Variants in SEMA3E observed in about 807,000 individuals in gnomAD.
The protein encoded by SEMA3E is semaphorin 3E.
In SEMA3E, 49 loss-of-function variants were observed where a neutral mutation model predicts 93.6. The ratio of observed to expected loss-of-function variants is 0.52; its 90% confidence interval spans 0.42 to 0.66. The LOEUF is 0.66. Among genes scored for constraint, SEMA3E ranks in the 30% least tolerant of loss-of-function variants. The pLI is 0.00. For synonymous variants in SEMA3E, 363 were observed against 330.7 expected (o/e 1.10, Z -1.06); for missense variants, 906 against 964.8 (o/e 0.94, Z 0.81).
intron 1 of SEMA3E, among the ~76,000 whole-genome samples, chr7:83,580,094 C>T (rs996450473): frequency 6.6e-5 from 10 of 151,986 alleles, no homozygotes; most frequent in Non-Finnish European, 1.3e-4. Context: ...AAAACATGTA[C>T]ACCGACAACT....
At chr7:83,573,948 AAATATT>A (rs1792346941) in intron 1 of SEMA3E, among the ~76,000 whole-genome samples, 1 of 152,160 alleles carries the variant, frequency 6.6e-6, no homozygotes, top group African/African-American at 2.4e-5. Context: ...TCATTTATAA[AAATATT>A]AATATTTTGA....
At chr7:83,426,259 A>G (rs1370767721) in intron 4 of SEMA3E, among the ~76,000 whole-genome samples, 1 of 152,114 alleles carries the variant, frequency 6.6e-6, no homozygotes, top group Non-Finnish European at 1.5e-5. Flanking sequence ...CATTCTACCA[A>G]TAAGACACAT....
chr7:83,572,535 A>G (rs555577365), intron 1 of SEMA3E, among the ~76,000 whole-genome samples: 54 of 152,264 alleles, frequency 3.5e-4, no homozygotes, highest in African/African-American at 1.1e-3. Context: ...GCTACTTGGG[A>G]GTCTGAGACA....
chr7:83,527,277 A>G (rs1653174858), intron 1 of SEMA3E, among the ~76,000 whole-genome samples: 1 of 152,144 alleles, frequency 6.6e-6, no homozygotes, highest in Non-Finnish European at 1.5e-5. Context: ...AAGGACTGTG[A>G]GAAATTAAAT....
At chr7:83,536,959 A>G (rs1488834636) in intron 1 of SEMA3E, among the ~76,000 whole-genome samples, 1 of 152,106 alleles carries the variant, frequency 6.6e-6, no homozygotes, top group Non-Finnish European at 1.5e-5. Flanking sequence ...AATTAAGGTC[A>G]TTAAGGTGGG....
At chr7:83,580,692 C>T (rs1323180688) in intron 1 of SEMA3E, among the ~76,000 whole-genome samples, 1 of 151,996 alleles carries the variant, frequency 6.6e-6, no homozygotes, top group African/African-American at 2.4e-5. Flanking sequence ...TTCCATGCTT[C>T]CTTAATCCTC....
chr7:83,619,608 A>C (rs957460708), intron 1 of SEMA3E, among the ~76,000 whole-genome samples: 1 of 151,890 alleles, frequency 6.6e-6, no homozygotes, highest in Admixed American at 6.6e-5. Context: ...TCTTGATGCT[A>C]TCTCTGGTCT....
intron 2 of SEMA3E, among the ~76,000 whole-genome samples, chr7:83,470,985 T>C (rs1789881890): frequency 6.6e-6 from 1 of 151,754 alleles, no homozygotes; most frequent in Admixed American, 6.6e-5. Context: ...ATTTTCTACA[T>C]AGTTACAATG....
At chr7:83,570,709 C>T (rs1792268212) in intron 1 of SEMA3E, among the ~76,000 whole-genome samples, 1 of 151,036 alleles carries the variant, frequency 6.6e-6, no homozygotes, top group Non-Finnish European at 1.5e-5. Context: ...AAATGAGATG[C>T]AGAAGTCCAT....
rs576039656 is a variant in SEMA3E at position 83,376,350 on chromosome 7, A to G, written c.1876-8312T>C. 7.9e-5 allele frequency among the ~76,000 whole-genome samples: 12 copies of G among 152,218 alleles called. No homozygotes were observed. In the South Asian group the frequency reaches 2.3e-3, roughly 29 times the overall value. ...TAAAATAAAAAGGAGATTTTACTTC[A>G]TAATTCTCCTAGCTTCGATGACATA... On this transcript the variant is annotated intron_variant, in intron 16 of 16. Transcript: ENST00000643230.
At chr7:83,420,392 C>A (rs1375400107) in intron 4 of SEMA3E, among the ~76,000 whole-genome samples, 2 of 152,126 alleles carry the variant, frequency 1.3e-5, no homozygotes, top group Non-Finnish European at 2.9e-5. Flanking sequence ...AAGCAATCTA[C>A]AGATTCATTG....
At chr7:83,401,940 C>T (rs981396320) in intron 10 of SEMA3E, among the ~76,000 whole-genome samples, 13 of 152,060 alleles carry the variant, frequency 8.5e-5, no homozygotes, top group Admixed American at 8.5e-4. Context: ...CTCATCATCA[C>T]CCTCACTATC....
At chr7:83,535,777 A>C (rs1006256362) in intron 1 of SEMA3E, among the ~76,000 whole-genome samples, 1 of 152,204 alleles carries the variant, frequency 6.6e-6, no homozygotes, top group African/African-American at 2.4e-5. Context: ...TCTTCACCAC[A>C]TGCTTAGAAA....
intron 1 of SEMA3E, among the ~76,000 whole-genome samples, chr7:83,549,203 T>C (rs529427510): frequency 2.0e-5 from 3 of 152,186 alleles, no homozygotes; most frequent in Non-Finnish European, 4.4e-5. Context: ...CAATTTATAT[T>C]TGTATAGCTC....
chr7:83,441,725 C>T (rs535669996), intron 4 of SEMA3E, among the ~76,000 whole-genome samples: 169 of 151,810 alleles, frequency 1.1e-3, no homozygotes, highest in African/African-American at 3.8e-3. Context: ...ACACATCCAG[C>T]AAGAAACAGA....
At chr7:83,588,211 G>C (rs952196172) in intron 1 of SEMA3E, among the ~76,000 whole-genome samples, 2 of 151,930 alleles carry the variant, frequency 1.3e-5, no homozygotes, top group African/African-American at 2.4e-5. Flanking sequence ...GTGAAACCCT[G>C]TCTGCACTAA....
chr7:83,444,547 G>T (rs1348666936), intron 4 of SEMA3E, among the ~76,000 whole-genome samples: 1 of 152,112 alleles, frequency 6.6e-6, no homozygotes. Context: ...TCCAACAGAG[G>T]GTAGATGTAG....
intron 2 of SEMA3E, among the ~76,000 whole-genome samples, chr7:83,485,402 CT>C (rs1790231183): frequency 6.6e-6 from 1 of 152,168 alleles, no homozygotes; most frequent in South Asian, 2.1e-4. Flanking sequence ...GATTTAGGAA[CT>C]TGCCCAATAT....
At chr7:83,438,975 C>G (rs1789057130) in intron 4 of SEMA3E, among the ~76,000 whole-genome samples, 2 of 152,170 alleles carry the variant, frequency 1.3e-5, no homozygotes, top group Non-Finnish European at 1.5e-5. Flanking sequence ...GGTTTGACTG[C>G]TCTGCTGTTA....
Sources: gnomAD v4.1 joint callset for allele counts (sites outside exome capture counted in the v4.1 genomes callset) on GRCh38, gnomAD v4.1.1 for gene constraint, MANE v1.5 for transcripts, NCBI Gene and HGNC (gene_info 2026-07-23, HGNC 2026-07-21) for gene names.